Variants in ARL13B observed in about 807,000 individuals in gnomAD.
ARL13B encodes the protein ARF like GTPase 13B, also known as ADP-ribosylation factor-like protein 13B.
Under a neutral mutation model 56.1 loss-of-function variants are expected in ARL13B, and 36 were observed. The ratio of observed to expected loss-of-function variants is 0.64; its 90% confidence interval spans 0.49 to 0.85. The LOEUF (loss-of-function observed/expected upper bound fraction) is 0.85. Among genes scored for constraint, ARL13B ranks in the 40% least tolerant of loss-of-function variants. The probability of loss-of-function intolerance (pLI) is 0.00; values close to 1 mark genes in which losing one functional copy is unlikely to be tolerated. For missense variants in ARL13B, 519 were observed against 507.1 expected (o/e 1.02, Z -0.23); for synonymous variants, 178 against 171.1 (o/e 1.04, Z -0.32).
rs773863271 is a variant in ARL13B at position 93,980,295 on chromosome 3, C to T, written c.-129C>T. On this transcript the variant is annotated 5_prime_UTR_variant, in exon 1 of 10. Coordinates refer to ENST00000394222, the MANE Select transcript of ARL13B (RefSeq NM_001174150.2). ...TGCTCGGGCCGGCCGCCTTCACTTC[C>T]CTCCCGGCTTTTCCTCCCGACTTAT... 1.6e-6 allele frequency: 2 copies of T among 1,275,516 alleles called. No homozygotes were observed. Among genetic ancestry groups the T allele is most frequent in the Non-Finnish European group, 2.2e-6 (2 of 893,252 alleles). 79.0% of individuals were successfully genotyped at this position (1,275,516 alleles called of 1,614,324 possible).
At chr3:94,001,215 A>G (rs1477416641) in intron 2 of ARL13B, among the ~76,000 whole-genome samples, 1 of 152,164 alleles carries the variant, frequency 6.6e-6, no homozygotes, top group African/African-American at 2.4e-5. Flanking sequence ...GTGAAACACA[A>G]ATGCTGAATA....
At position 94,053,601 on chromosome 3, in the gene ARL13B, A is replaced by G; in HGVS notation, c.*338A>G. On this transcript the variant is annotated 3_prime_UTR_variant, in exon 10 of 10. Coordinates refer to ENST00000394222, the MANE Select transcript of ARL13B (RefSeq NM_001174150.2). ...AGCCAATGGACTCAGCACTTTCTTT[A>G]CTATTTGTTCAATAGCCTATATTTC... The G allele has an allele frequency of 2.0e-6, 1 of 488,042 alleles. No homozygotes were observed. The allele number at this position is 488,042 out of a possible 1,614,324, so 30.2% of individuals were successfully genotyped here.
At chr3:93,988,843 A>G (rs558441192) in intron 1 of ARL13B, 123 of 360,218 alleles carry the variant, frequency 3.4e-4, no homozygotes, top group African/African-American at 3.0e-3. Context: ...CTTTGGCTTC[A>G]TTTCCACTTT....
intron 3 of ARL13B, among the ~76,000 whole-genome samples, chr3:94,035,091 G>A (rs576289476): frequency 8.5e-5 from 13 of 152,208 alleles, no homozygotes; most frequent in Admixed American, 7.8e-4. Context: ...CAAAAAATTA[G>A]CCTCGCGTGG....
rs1710144403 is a variant in ARL13B at position 93,980,324 on chromosome 3, C to T, written c.-100C>T. The T allele has an allele frequency of 1.3e-6, 2 of 1,497,054 alleles. No homozygotes were observed. The highest frequency in any genetic ancestry group is 1.8e-6 in the Non-Finnish European group (2 of 1,085,742). The allele number at this position is 1,497,054 out of a possible 1,614,324, so 92.7% of individuals were successfully genotyped here. A position where few individuals can be genotyped will look rare whatever the true frequency, so the allele number is the denominator to read the frequency against. On this transcript the variant is annotated 5_prime_UTR_variant, in exon 1 of 10. Transcript: ENST00000394222. ...CCGGCTTTTCCTCCCGACTTATCCACTTTAGGGGCGTCTCGGAGTGCCGGA... is the reference window on the plus strand; with the variant it reads ...CCGGCTTTTCCTCCCGACTTATCCATTTTAGGGGCGTCTCGGAGTGCCGGA...
chr3:93,996,598 G>A, intron 2 of ARL13B: 2 of 439,894 alleles, frequency 4.5e-6, no homozygotes, highest in South Asian at 3.2e-5. Context: ...AGCTGGTCTG[G>A]AATGCCTAGC....
chr3:93,999,087 C>CTATT (rs6147954), intron 2 of ARL13B, among the ~76,000 whole-genome samples: 15,053 of 149,572 alleles, frequency 0.1, 1,086 homozygotes, highest in Non-Finnish European at 0.15. Context: ...AATTCATATT[C>CTATT]TATTTATTTA....
rs192082250 is a variant in ARL13B at position 94,019,484 on chromosome 3, C to T, written c.380+15576C>T. 3.3e-5 allele frequency among the ~76,000 whole-genome samples: 5 copies of T among 152,252 alleles called. No individual in the cohort carries two copies. In the East Asian group the frequency reaches 5.8e-4, roughly 18 times the overall value. On this transcript the variant is annotated intron_variant, in intron 3 of 9. Coordinates refer to ENST00000394222, the MANE Select transcript of ARL13B (RefSeq NM_001174150.2). ...TGCTGGGATTACAGGCATGAGCCAC[C>T]GCAACTGGTCAAGTCCCTGTTATTT...
intron 2 of ARL13B, among the ~76,000 whole-genome samples, chr3:94,002,140 G>T (rs2107425709): frequency 6.6e-6 from 1 of 152,216 alleles, no homozygotes; most frequent in Admixed American, 6.5e-5. Context: ...GCTAAATGTG[G>T]AAATAAGACC....
chr3:93,981,494 A>G (rs1710214117), intron 1 of ARL13B, among the ~76,000 whole-genome samples: 1 of 152,234 alleles, frequency 6.6e-6, no homozygotes, highest in South Asian at 2.1e-4. Flanking sequence ...GATTGGAAAA[A>G]AAGTAACTTT....
chr3:94,052,324 G>T (rs2077079957), intron 9 of ARL13B, among the ~76,000 whole-genome samples: 1 of 152,108 alleles, frequency 6.6e-6, no homozygotes. Context: ...CTACTATACA[G>T]AGAGGACAAT....
chr3:94,017,493 A>G (rs1055942549), intron 3 of ARL13B, among the ~76,000 whole-genome samples: 5 of 152,192 alleles, frequency 3.3e-5, no homozygotes, highest in Non-Finnish European at 7.3e-5. Flanking sequence ...TTTTGGGTAA[A>G]AGGTTAAACC....
intron 3 of ARL13B, 100 bp downstream of exon 3, chr3:94,004,008 CT>C: frequency 6.6e-7 from 1 of 1,516,010 alleles, no homozygotes; most frequent in South Asian, 1.2e-5. Flanking sequence ...AATAGTCACG[CT>C]TTAGTATACT....
chr3:94,011,004 T>C (rs2107468164), intron 3 of ARL13B, among the ~76,000 whole-genome samples: 1 of 152,212 alleles, frequency 6.6e-6, no homozygotes, highest in South Asian at 2.1e-4. Context: ...AAGTTTATCT[T>C]TTTTTAATAA....
At chr3:94,004,513 C>A (rs1183874177) in intron 3 of ARL13B, among the ~76,000 whole-genome samples, 1 of 152,050 alleles carries the variant, frequency 6.6e-6, no homozygotes, top group East Asian at 1.9e-4. Flanking sequence ...GGTGCTATAA[C>A]CGTGAGGCAT....
rs528661046 is a variant in ARL13B at position 94,046,242 on chromosome 3, GTT to G, written c.1024+3004_1024+3005del. ...GTGAACATAAACATTATCCCCAAAA[GTT>G]TCTTCATGTCCTTTAGTAATCCCTT... On this transcript the variant is annotated intron_variant, in intron 7 of 9. Coordinates refer to ENST00000394222, the MANE Select transcript of ARL13B (RefSeq NM_001174150.2). 3.1e-3 allele frequency among the ~76,000 whole-genome samples: 469 copies of G among 152,068 alleles called. 4 individuals carry two copies. The highest frequency in any genetic ancestry group is 3.4e-3 in the Middle Eastern group (1 of 292).
At chr3:94,049,668 G>A in intron 8 of ARL13B, 146 bp downstream of exon 8, 10 of 562,278 alleles carry the variant, frequency 1.8e-5, no homozygotes, top group South Asian at 3.7e-5. Context: ...ACTCTGATTT[G>A]GACAAAATTT....
In ARL13B at chr3:93,980,500, G is replaced by C. The variant is rs748002391; in HGVS notation, c.59+18G>C. 2.5e-6 allele frequency: 4 copies of C among 1,608,480 alleles called. No homozygotes were observed. The highest frequency in any genetic ancestry group is 1.7e-4 in the Middle Eastern group (1 of 6,018). ...CCTGTCAGGTAGGCTGGAGCCAGCT[G>C]TCCTGGCCGTCCTAGGGGTTGGAGA... On this transcript the variant is annotated intron_variant, in intron 1 of 9. Coordinates refer to ENST00000394222, the MANE Select transcript of ARL13B (RefSeq NM_001174150.2).
intron 3 of ARL13B, chr3:94,014,481 A>G (rs746990099): frequency 6.2e-6 from 10 of 1,609,138 alleles, no homozygotes; most frequent in Admixed American, 1.7e-5. Flanking sequence ...TCTCTTTAGT[A>G]TTGTTAACAT....
Sources: gnomAD v4.1 joint callset for allele counts (sites outside exome capture counted in the v4.1 genomes callset) on GRCh38, gnomAD v4.1.1 for gene constraint, MANE v1.5 for transcripts, NCBI Gene and HGNC (gene_info 2026-07-23, HGNC 2026-07-21) for gene names.